The following GNAO1 variants were observed in gnomAD, a reference collection of about 807,000 sequenced individuals.
GNAO1 encodes the protein G protein subunit alpha o1.
For missense variants in GNAO1, 166 were observed against 478.7 expected, an observed-to-expected ratio of 0.35 and a Z score of 6.10; for synonymous variants, 164 against 180.7, an observed-to-expected ratio of 0.91 and a Z score of 0.74.
rs756740395 is a variant in GNAO1, at chr16:56,222,725, G to A, written c.161+30109G>A. On this transcript the variant is annotated intron_variant, in intron 2 of 8. Coordinates refer to ENST00000262493, the MANE Select transcript of GNAO1 (RefSeq NM_020988.3). ...AGGAAATGCAGAAATGGAGTGAGCC[G>A]AGGAAAAACCCAGGGGCGACAGATC... is the stretch of plus-strand genomic sequence containing the variant. Among the ~76,000 whole-genome samples the A allele has an allele frequency of 2.0e-4, 31 of 152,112 alleles. 1 individual carries two copies. Among genetic ancestry groups the A allele is most frequent in the South Asian group, 2.1e-4 (1 of 4,836 alleles).
At chr16:56,232,255 C>T (rs1445833524) in intron 2 of GNAO1, among the ~76,000 whole-genome samples, 1 of 152,218 alleles carries the variant, frequency 6.6e-6, no homozygotes, top group Non-Finnish European at 1.5e-5. Flanking sequence ...AATTGACCCT[C>T]TTGAGCCTCG....
chr16:56,197,690 G>A (rs1481836560), intron 2 of GNAO1, among the ~76,000 whole-genome samples: 1 of 152,212 alleles, frequency 6.6e-6, no homozygotes, highest in East Asian at 1.9e-4. Flanking sequence ...AACAGGGCTG[G>A]ATTAGATTTA....
chr16:56,335,169 G>T (rs2037728659), intron 5 of GNAO1, among the ~76,000 whole-genome samples: 2 of 152,194 alleles, frequency 1.3e-5, no homozygotes, highest in Non-Finnish European at 2.9e-5. Flanking sequence ...CTACCAGGGG[G>T]CCCTTCCAAG....
chr16:56,212,621 TAG>T (rs1307978234), intron 2 of GNAO1, among the ~76,000 whole-genome samples: 3 of 152,200 alleles, frequency 2.0e-5, no homozygotes, highest in African/African-American at 4.8e-5. Flanking sequence ...CTTCTAGAAG[TAG>T]AGTGTTTGTG....
chr16:56,193,854 A>G, intron 2 of GNAO1: 1 of 349,678 alleles, frequency 2.9e-6, no homozygotes, highest in Non-Finnish European at 5.7e-6. Context: ...TTGCTGTGAC[A>G]CCTTCGTGCA....
At chr16:56,329,017 A>G in intron 4 of GNAO1, 1 of 527,520 alleles carries the variant, frequency 1.9e-6, no homozygotes, top group East Asian at 3.2e-5. Context: ...GCAAGAGACA[A>G]CCAAACAGTG....
At chr16:56,239,832 A>G (rs773695339) in intron 2 of GNAO1, among the ~76,000 whole-genome samples, 1 of 152,194 alleles carries the variant, frequency 6.6e-6, no homozygotes, top group Non-Finnish European at 1.5e-5. Context: ...CCAGTTATTC[A>G]CTAAAGATAG....
intron 2 of GNAO1, among the ~76,000 whole-genome samples, chr16:56,256,686 G>GTC (rs1172369417): frequency 0.011 from 1,514 of 136,460 alleles, 15 homozygotes; most frequent in Middle Eastern, 0.015. Context: ...CTTTCTCTCT[G>GTC]TCTCTCTCTC....
At chr16:56,230,084 G>T (rs1217028420) in intron 2 of GNAO1, among the ~76,000 whole-genome samples, 1 of 151,904 alleles carries the variant, frequency 6.6e-6, no homozygotes, top group Non-Finnish European at 1.5e-5. Context: ...CAGGAAAAAT[G>T]ATGCTTTTGA....
At chr16:56,325,577 C>A (rs2053269309) in intron 3 of GNAO1, among the ~76,000 whole-genome samples, 2 of 152,176 alleles carry the variant, frequency 1.3e-5, no homozygotes, top group African/African-American at 2.4e-5. Flanking sequence ...ATGCGACTCT[C>A]AGACCCCAGT....
chr16:56,346,840 C>T, intron 6 of GNAO1: 1 of 985,540 alleles, frequency 1.0e-6, no homozygotes, highest in Non-Finnish European at 1.2e-6. Context: ...CAAGTTCCAA[C>T]TTGCAAGCCC....
chr16:56,192,066 T>A lies in GNAO1; in HGVS notation c.-170T>A. ...GCTGCTGGAATCTTGTTAGCGGCTGTCTTTTTGGAGGGTTCTGGTTTCCCG... is the reference window on the plus strand; with the variant it reads ...GCTGCTGGAATCTTGTTAGCGGCTGACTTTTTGGAGGGTTCTGGTTTCCCG... On this transcript the variant is annotated 5_prime_UTR_variant, in exon 1 of 9. Coordinates refer to ENST00000262493, the MANE Select transcript of GNAO1 (RefSeq NM_020988.3). 1 of 586,154 alleles carries A rather than the reference T, an allele frequency of 1.7e-6. No individual in the cohort carries two copies. The highest frequency in any genetic ancestry group is 3.0e-6 in the Non-Finnish European group (1 of 329,518). The allele number at this position is 586,154 out of a possible 1,614,324, so 36.3% of individuals were successfully genotyped here. A position where few individuals can be genotyped will look rare whatever the true frequency, so the allele number is the denominator to read the frequency against.
At position 56,265,039 on chromosome 16, in the gene GNAO1, G is replaced by A. The variant is rs1045075014; in HGVS notation, c.162-10892G>A. Among the ~76,000 whole-genome samples the A allele has an allele frequency of 2.6e-5, 4 of 152,290 alleles. No homozygotes were observed. In the East Asian group the frequency reaches 5.8e-4, roughly 22 times the overall value. Reference sequence around the variant, plus strand: ...CTTTGTAAGGCCTAGGTGTCACCCAGCCTCTATCTTGTCCCATCTAGGTTT... The same window carrying A: ...CTTTGTAAGGCCTAGGTGTCACCCAACCTCTATCTTGTCCCATCTAGGTTT... On this transcript the variant is annotated intron_variant, in intron 2 of 8. Transcript: ENST00000262493.
At chr16:56,233,168 T>G (rs1356564122) in intron 2 of GNAO1, among the ~76,000 whole-genome samples, 10 of 152,212 alleles carry the variant, frequency 6.6e-5, no homozygotes, top group African/African-American at 2.4e-4. Flanking sequence ...GAGGATTATA[T>G]GAGATCTGTG....
chr16:56,245,242 T>C (rs2036732577), intron 2 of GNAO1, among the ~76,000 whole-genome samples: 1 of 152,206 alleles, frequency 6.6e-6, no homozygotes, highest in South Asian at 2.1e-4. Flanking sequence ...GGGCAATTTA[T>C]CCATTCTTAG....
At chr16:56,226,882 C>T (rs1330251679) in intron 2 of GNAO1, among the ~76,000 whole-genome samples, 1 of 152,182 alleles carries the variant, frequency 6.6e-6, no homozygotes, top group East Asian at 1.9e-4. Flanking sequence ...GAATCATTGC[C>T]CACACTGCCC....
chr16:56,192,755 T>C (rs2036191164), intron 2 of GNAO1, 139 bp downstream of exon 2: 2 of 562,994 alleles, frequency 3.6e-6, no homozygotes, highest in Non-Finnish European at 6.6e-6. Flanking sequence ...CACACACCCC[T>C]ATATTTGACT....
chr16:56,343,967 C>G (rs201216065), intron 6 of GNAO1: 5 of 1,610,522 alleles, frequency 3.1e-6, no homozygotes, highest in Non-Finnish European at 4.2e-6. Context: ...CCGCCCTGCC[C>G]GGCACCCTTG....
At chr16:56,214,949 T>C (rs1364763465) in intron 2 of GNAO1, among the ~76,000 whole-genome samples, 7 of 152,248 alleles carry the variant, frequency 4.6e-5, no homozygotes, top group Non-Finnish European at 8.8e-5. Flanking sequence ...ACTGCCATGC[T>C]AAGTCACCCT....
Sources: gnomAD v4.1 joint callset for allele counts (sites outside exome capture counted in the v4.1 genomes callset) on GRCh38, gnomAD v4.1.1 for gene constraint, MANE v1.5 for transcripts, NCBI Gene and HGNC (gene_info 2026-07-23, HGNC 2026-07-21) for gene names.